PCDH9: variants seen among roughly 807,000 people sequenced by gnomAD.
The protein encoded by PCDH9 is protocadherin-9.
In PCDH9, 24 loss-of-function variants were observed where a neutral mutation model predicts 70.6. The observed-to-expected ratio is 0.34, with a 90% confidence interval of 0.25 to 0.48. PCDH9 has a LOEUF of 0.48. Among genes scored for constraint, PCDH9 ranks in the 20% least tolerant of loss-of-function variants. The pLI, the probability that PCDH9 is intolerant of heterozygous loss-of-function variation, is 0.99. For missense variants in PCDH9, 1,281 were observed against 1,503.6 expected (o/e 0.85, Z 2.45); for synonymous variants, 562 against 558.5 (o/e 1.01, Z -0.09).
chr13:66,800,239 C>T (rs1179880791), intron 3 of PCDH9, among the ~76,000 whole-genome samples: 1 of 152,074 alleles, frequency 6.6e-6, no homozygotes, highest in African/African-American at 2.4e-5. Context: ...CCTCTCACCC[C>T]CAGCCCGGGA....
chr13:66,691,290 G>A (rs1333618170), intron 3 of PCDH9, among the ~76,000 whole-genome samples: 1 of 151,994 alleles, frequency 6.6e-6, no homozygotes, highest in Non-Finnish European at 1.5e-5. Flanking sequence ...CTCCTGCCTT[G>A]AACTCCCAAA....
At chr13:67,100,414 T>C (rs1392455562) in intron 2 of PCDH9, among the ~76,000 whole-genome samples, 4 of 152,174 alleles carry the variant, frequency 2.6e-5, no homozygotes, top group African/African-American at 9.7e-5. Flanking sequence ...CTTAAACATA[T>C]GTGTAAAGTG....
rs1331740023 is a variant in PCDH9 at position 66,907,183 on chromosome 13, G to A, written c.3037-3578C>T. Among the ~76,000 whole-genome samples the A allele has an allele frequency of 2.6e-5, 4 of 152,080 alleles. 1 individual carries two copies. The highest frequency in any genetic ancestry group is 4.2e-4 in the South Asian group (2 of 4,814). On this transcript the variant is annotated intron_variant, in intron 2 of 4. Coordinates refer to ENST00000377865, the MANE Select transcript of PCDH9 (RefSeq NM_203487.3). Reference sequence around the variant, plus strand: ...TGCACCACTGCACTCCAGCCTGGGCGACAGAACGAGATTCTGCCTCAAAAA... The same window carrying A: ...TGCACCACTGCACTCCAGCCTGGGCAACAGAACGAGATTCTGCCTCAAAAA...
chr13:67,185,891 C>T (rs1037598377), intron 2 of PCDH9, among the ~76,000 whole-genome samples: 3 of 152,108 alleles, frequency 2.0e-5, no homozygotes, highest in Non-Finnish European at 2.9e-5. Context: ...AGCCACCACA[C>T]CCGGCTAATT....
chr13:66,335,625 G>A lies in PCDH9; in HGVS notation c.3341-30597C>T, dbSNP rs571845669. Among the ~76,000 whole-genome samples, 4 of 152,186 alleles carry A rather than the reference G, an allele frequency of 2.6e-5. No individual in the cohort carries two copies. The East Asian group carries it at 7.7e-4, about 29-fold the overall frequency. On this transcript the variant is annotated intron_variant, in intron 4 of 4. Transcript: ENST00000377865. Reference sequence around the variant, plus strand: ...AAACATTAATTTGTATAAAAGAACGGAGCTAATAAGTGGGCATGAAAGGAT... The same window carrying A: ...AAACATTAATTTGTATAAAAGAACGAAGCTAATAAGTGGGCATGAAAGGAT...
intron 3 of PCDH9, among the ~76,000 whole-genome samples, chr13:66,696,470 G>A (rs1362945889): frequency 2.6e-5 from 4 of 152,132 alleles, no homozygotes; most frequent in Non-Finnish European, 2.9e-5. Flanking sequence ...TCAGGCAAAA[G>A]AAATCTTCTC....
chr13:67,210,912 C>G (rs1381026050), intron 2 of PCDH9: 1 of 151,990 alleles, frequency 6.6e-6, no homozygotes, highest in African/African-American at 2.4e-5. Context: ...TTAATTGTCA[C>G]TGTGAAAAGT....
intron 4 of PCDH9, among the ~76,000 whole-genome samples, chr13:66,490,634 ATAGGTGAG>A (rs1316499780): frequency 1.3e-5 from 2 of 151,982 alleles, no homozygotes; most frequent in African/African-American, 4.8e-5. Flanking sequence ...ACTGTTTTTA[ATAGGTGAG>A]GTGGTGGTCT....
chr13:66,646,608 G>C (rs1019067213), intron 3 of PCDH9, among the ~76,000 whole-genome samples: 5 of 152,026 alleles, frequency 3.3e-5, no homozygotes, highest in Non-Finnish European at 7.4e-5. Context: ...TTACTTATCT[G>C]CTCAGAAAAA....
intron 4 of PCDH9, among the ~76,000 whole-genome samples, chr13:66,435,045 G>C (rs2138385228): frequency 6.6e-6 from 1 of 152,152 alleles, no homozygotes; most frequent in Non-Finnish European, 1.5e-5. Context: ...ATCAAGGAAG[G>C]CATTCCAAGG....
At chr13:66,738,256 T>C (rs1052391965) in intron 3 of PCDH9, among the ~76,000 whole-genome samples, 40 of 150,674 alleles carry the variant, frequency 2.7e-4, no homozygotes, top group Non-Finnish European at 4.9e-4. Context: ...CGGCAGGGTA[T>C]TCCAACAGAC....
intron 3 of PCDH9, among the ~76,000 whole-genome samples, chr13:66,877,224 T>G (rs1049590867): frequency 6.6e-6 from 1 of 151,630 alleles, no homozygotes; most frequent in African/African-American, 2.4e-5. Flanking sequence ...GGACAGAGTC[T>G]GTAGCCTAAT....
At chr13:66,472,250 T>C (rs1226956150) in intron 4 of PCDH9, among the ~76,000 whole-genome samples, 2 of 136,956 alleles carry the variant, frequency 1.5e-5, no homozygotes, top group African/African-American at 5.4e-5. Flanking sequence ...GAAAAGAAAA[T>C]AGAAATGTGG....
intron 2 of PCDH9, among the ~76,000 whole-genome samples, chr13:67,044,540 G>C (rs1010534780): frequency 6.6e-5 from 10 of 152,072 alleles, no homozygotes; most frequent in Admixed American, 3.9e-4. Flanking sequence ...TTAGCCCCAA[G>C]AGAATTATGC....
intron 2 of PCDH9, among the ~76,000 whole-genome samples, chr13:67,092,571 C>T (rs1025930714): frequency 1.3e-5 from 2 of 152,122 alleles, no homozygotes; most frequent in African/African-American, 4.8e-5. Context: ...TAACTCTTCC[C>T]CTGTACTTTA....
intron 2 of PCDH9, among the ~76,000 whole-genome samples, chr13:67,087,862 T>TTA (rs1432583457): frequency 6.6e-6 from 1 of 152,120 alleles, no homozygotes; most frequent in Non-Finnish European, 1.5e-5. Context: ...AATACAGCTA[T>TTA]TATTTATGAG....
chr13:67,104,034 G>A (rs1036463274), intron 2 of PCDH9, among the ~76,000 whole-genome samples: 5 of 152,148 alleles, frequency 3.3e-5, no homozygotes, highest in Admixed American at 6.6e-5. Context: ...GATGTCAACT[G>A]CCATAAGATG....
intron 4 of PCDH9, among the ~76,000 whole-genome samples, chr13:66,361,857 A>G (rs570867613): frequency 1.3e-5 from 2 of 152,306 alleles, no homozygotes; most frequent in East Asian, 3.9e-4. Context: ...TTGAGCAGGT[A>G]TCCAGAGTTC....
At chr13:66,798,547 A>G (rs1407838199) in intron 3 of PCDH9, among the ~76,000 whole-genome samples, 1 of 152,152 alleles carries the variant, frequency 6.6e-6, no homozygotes, top group Non-Finnish European at 1.5e-5. Flanking sequence ...CCTATTTGAA[A>G]TGATCTCTTG....
Sources: allele counts gnomAD v4.1 joint callset (sites outside exome capture counted in the v4.1 genomes callset), GRCh38; gene constraint gnomAD v4.1.1; transcripts MANE v1.5; gene names NCBI Gene and HGNC (gene_info 2026-07-23, HGNC 2026-07-21).